Variants in STPG2 observed in about 807,000 individuals in gnomAD.
The protein encoded by STPG2 is sperm tail PG-rich repeat containing 2, also known as sperm-tail PG-rich repeat-containing protein 2.
STPG2 carries 56 observed loss-of-function variants against 54.2 expected under a neutral mutation model. The observed-to-expected ratio is 1.03, with a 90% CI of 0.83 to 1.29. The LOEUF is 1.29. STPG2 is among the 50% of genes most tolerant of loss of function. The pLI, the probability that STPG2 is intolerant of heterozygous loss-of-function variation, is 0.00. For synonymous variants in STPG2, 200 were observed against 181.8 expected (o/e 1.10, Z -0.81); for missense variants, 596 against 544.9 (o/e 1.09, Z -0.93).
At chr4:97,910,745 C>G (rs779018968) in intron 8 of STPG2, among the ~76,000 whole-genome samples, 34 of 151,868 alleles carry the variant, frequency 2.2e-4, no homozygotes, top group Admixed American at 1.2e-3. Flanking sequence ...GATGACAACA[C>G]CAAGATGGAA....
intron 10 of STPG2, among the ~76,000 whole-genome samples, chr4:97,583,120 T>C (rs995164149): frequency 4.6e-5 from 7 of 152,014 alleles, no homozygotes; most frequent in African/African-American, 1.7e-4. Context: ...TCAGCTGTCA[T>C]GGTTTCTTGC....
In STPG2 at chr4:97,943,764, G is replaced by C. The variant is rs563126076; in HGVS notation, c.1044+133C>G. On this transcript the variant is annotated intron_variant, in intron 8 of 10. Coordinates refer to ENST00000295268, the MANE Select transcript of STPG2 (RefSeq NM_174952.3). Reference sequence around the variant, plus strand: ...TTTGTTGAACTTTAAAAATATAAAAGTATCGGTCTAGCCAAGGAGGTTACA... The same window carrying C: ...TTTGTTGAACTTTAAAAATATAAAACTATCGGTCTAGCCAAGGAGGTTACA... The C allele has an allele frequency of 8.9e-6, 5 of 559,666 alleles. No individual in the cohort carries two copies. In the East Asian group the frequency reaches 1.7e-4, roughly 19 times the overall value. 34.7% of individuals were successfully genotyped at this position (559,666 alleles called of 1,614,324 possible). A position where few individuals can be genotyped will look rare whatever the true frequency, so the allele number is the denominator to read the frequency against.
chr4:97,741,480 T>C (rs1404513412), intron 9 of STPG2, among the ~76,000 whole-genome samples: 1 of 151,502 alleles, frequency 6.6e-6, no homozygotes, highest in Non-Finnish European at 1.5e-5. Flanking sequence ...AAAGGGCTAA[T>C]ATCCAGAATC....
intron 9 of STPG2, among the ~76,000 whole-genome samples, chr4:97,752,134 AG>A (rs1725599076): frequency 6.6e-6 from 1 of 151,870 alleles, no homozygotes; most frequent in Non-Finnish European, 1.5e-5. Context: ...TCCCTTTTAA[AG>A]TGATAATGTT....
chr4:98,128,152 A>AG (rs1389884007), intron 3 of STPG2, among the ~76,000 whole-genome samples: 1 of 152,170 alleles, frequency 6.6e-6, no homozygotes, highest in African/African-American at 2.4e-5. Flanking sequence ...ACAAGGCCCT[A>AG]GAGGATGACA....
chr4:97,709,010 T>C (rs1724034233), intron 10 of STPG2, among the ~76,000 whole-genome samples: 1 of 151,850 alleles, frequency 6.6e-6, no homozygotes. Context: ...CACTACAGAT[T>C]TTTCTCTTGT....
chr4:97,898,360 A>C (rs940175427), intron 8 of STPG2, among the ~76,000 whole-genome samples: 2 of 144,966 alleles, frequency 1.4e-5, no homozygotes, highest in African/African-American at 5.1e-5. Flanking sequence ...AATTACCAAT[A>C]AGTTGTCCAA....
intron 7 of STPG2, among the ~76,000 whole-genome samples, chr4:97,963,719 T>A (rs1423970748): frequency 2.6e-5 from 4 of 151,612 alleles, no homozygotes; most frequent in Non-Finnish European, 4.4e-5. Context: ...TATATGTATT[T>A]GAAATATACA....
chr4:97,755,627 A>G (rs1725703373), intron 9 of STPG2, among the ~76,000 whole-genome samples: 1 of 152,188 alleles, frequency 6.6e-6, no homozygotes, highest in Non-Finnish European at 1.5e-5. Flanking sequence ...TAGACTGTCA[A>G]TTGTGTGCAT....
At chr4:97,477,177 T>A (rs1396860251) in intron 4 of STPG2, among the ~76,000 whole-genome samples, 2 of 152,186 alleles carry the variant, frequency 1.3e-5, no homozygotes, top group Non-Finnish European at 2.9e-5. Context: ...TAACTTTGTT[T>A]TTTGGTGTTA....
intron 8 of STPG2, among the ~76,000 whole-genome samples, chr4:97,923,416 G>A (rs1001483590): frequency 6.6e-6 from 1 of 151,916 alleles, no homozygotes; most frequent in Non-Finnish European, 1.5e-5. Flanking sequence ...GGCGCACAGC[G>A]CAGGACTGGC....
chr4:98,043,921 C>T (rs1008507761), intron 5 of STPG2, among the ~76,000 whole-genome samples: 1 of 152,010 alleles, frequency 6.6e-6, no homozygotes, highest in Non-Finnish European at 1.5e-5. Flanking sequence ...TCTCCCTCCT[C>T]CCCACCTCCA....
intron 10 of STPG2, among the ~76,000 whole-genome samples, chr4:97,592,891 C>T (rs1733181701): frequency 6.6e-6 from 1 of 152,134 alleles, no homozygotes; most frequent in Admixed American, 6.5e-5. Flanking sequence ...AGGGACAGGA[C>T]TCCAGCCTCT....
At chr4:97,828,362 A>G (rs962572116) in intron 9 of STPG2, among the ~76,000 whole-genome samples, 1 of 152,170 alleles carries the variant, frequency 6.6e-6, no homozygotes, top group African/African-American at 2.4e-5. Context: ...TGGCCCAGAC[A>G]CTGCACTTTT....
chr4:98,129,453 A>G (rs1031230352), intron 2 of STPG2, among the ~76,000 whole-genome samples: 3 of 149,310 alleles, frequency 2.0e-5, no homozygotes, highest in Non-Finnish European at 3.0e-5. Context: ...GCAAAATATA[A>G]AAGTGAACTA....
At chr4:97,444,165 T>C (rs1729160050) in intron 4 of STPG2, among the ~76,000 whole-genome samples, 1 of 151,906 alleles carries the variant, frequency 6.6e-6, no homozygotes, top group African/African-American at 2.4e-5. Context: ...ACAAGACACA[T>C]GAGACACAAT....
intron 3 of STPG2, among the ~76,000 whole-genome samples, chr4:98,110,265 C>T (rs936488207): frequency 1.6e-4 from 25 of 152,002 alleles, no homozygotes; most frequent in African/African-American, 6.0e-4. Context: ...CAGCTGGCAC[C>T]AGGGAAAGGC....
intron 8 of STPG2, among the ~76,000 whole-genome samples, chr4:97,913,057 A>T (rs1731741734): frequency 6.6e-6 from 1 of 152,258 alleles, no homozygotes; most frequent in African/African-American, 2.4e-5. Context: ...TGCTAACAAC[A>T]TAATAGGTAT....
chr4:97,793,370 T>TAC (rs3046530), intron 9 of STPG2, among the ~76,000 whole-genome samples: 5,137 of 147,890 alleles, frequency 0.035, 124 homozygotes, highest in Middle Eastern at 0.08. Context: ...GTTTTATATA[T>TAC]ACACACACAC....
Sources: allele counts gnomAD v4.1 joint callset (sites outside exome capture counted in the v4.1 genomes callset), GRCh38; gene constraint gnomAD v4.1.1; transcripts MANE v1.5; gene names NCBI Gene and HGNC (gene_info 2026-07-23, HGNC 2026-07-21).